The following PTPRA variants were observed in gnomAD, a reference collection of about 807,000 sequenced individuals.
PTPRA encodes receptor-type tyrosine-protein phosphatase alpha.
A neutral mutation model predicts 104.8 loss-of-function variants in PTPRA; 25 were observed. The ratio of observed to expected loss-of-function variants is 0.24; its 90% CI spans 0.17 to 0.33. PTPRA has a LOEUF of 0.33. Among genes scored for constraint, PTPRA ranks in the 10% least tolerant of loss-of-function variants. The pLI is 1.00. For synonymous variants in PTPRA, 323 were observed against 368.9 expected (o/e 0.88, Z 1.43); for missense variants, 765 against 1,015.3 (o/e 0.75, Z 3.35).
upstream of PTPRA, chr20:2,873,335 G>A (rs1395238953): frequency 1.3e-5 from 2 of 152,214 alleles, no homozygotes; most frequent in African/African-American, 4.8e-5. The surrounding 1 kb of genome is among the most constrained non-coding windows in gnomAD (Gnocchi z 4.4). Flanking sequence ...GAGAACGTGC[G>A]ACCGGGTTCG....
intron 20 of PTPRA, among the ~76,000 whole-genome samples, chr20:3,028,634 C>T (rs1435930044): frequency 2.0e-5 from 3 of 152,212 alleles, no homozygotes; most frequent in African/African-American, 7.2e-5. Flanking sequence ...TGAGGTTGCA[C>T]ATTGCAGCAA....
intron 1 of PTPRA, among the ~76,000 whole-genome samples, chr20:2,922,660 TG>T (rs2060139741): frequency 6.8e-6 from 1 of 147,216 alleles, no homozygotes; most frequent in African/African-American, 2.5e-5. Context: ...CTTTTTGAGA[TG>T]GAGTCTGACT....
chr20:2,974,865 A>G (rs1323330778), intron 5 of PTPRA, among the ~76,000 whole-genome samples: 1 of 152,174 alleles, frequency 6.6e-6, no homozygotes, highest in African/African-American at 2.4e-5. Context: ...TTTGGTATGT[A>G]CCAATTAGAT....
intron 9 of PTPRA, among the ~76,000 whole-genome samples, chr20:2,989,748 T>A (rs780056631): frequency 1.3e-5 from 2 of 152,156 alleles, no homozygotes; most frequent in Non-Finnish European, 2.9e-5. Context: ...CTGGGCACGG[T>A]GGCTCACGCC....
chr20:2,943,244 AATTATATTAAATATATGCTT>A (rs1360234133), intron 2 of PTPRA, among the ~76,000 whole-genome samples: 1 of 136,212 alleles, frequency 7.3e-6, no homozygotes, highest in African/African-American at 2.8e-5. Context: ...GTAGTACTGA[AATTATATTAAATATATGCTT>A]ATTATATTAA....
chr20:2,909,944 A>ATATG (rs1427744523), intron 1 of PTPRA, among the ~76,000 whole-genome samples: 19 of 123,958 alleles, frequency 1.5e-4, no homozygotes, highest in Admixed American at 1.0e-3. Flanking sequence ...AATATGTGTA[A>ATATG]TTATATATTA....
chr20:2,889,819 C>T (rs919962831), intron 1 of PTPRA, among the ~76,000 whole-genome samples: 1 of 152,070 alleles, frequency 6.6e-6, no homozygotes, highest in African/African-American at 2.4e-5. Flanking sequence ...CTGTGCCTTT[C>T]CTTATGTTAA....
At chr20:2,909,306 A>G in intron 1 of PTPRA, among the ~76,000 whole-genome samples, 1 of 152,148 alleles carries the variant, frequency 6.6e-6, no homozygotes, top group East Asian at 1.9e-4. Context: ...AAAACAAAAC[A>G]AAACAGGCCT....
intron 1 of PTPRA, among the ~76,000 whole-genome samples, chr20:2,901,495 G>A (rs189920708): frequency 1.1e-4 from 16 of 152,296 alleles, no homozygotes; most frequent in Non-Finnish European, 1.9e-4. Context: ...GGGGTAGTAC[G>A]ACTGCTGGTT....
upstream of PTPRA, among the ~76,000 whole-genome samples, chr20:2,871,186 G>A (rs2089423209): frequency 6.6e-6 from 1 of 152,186 alleles, no homozygotes; most frequent in African/African-American, 2.4e-5. Context: ...TTTGACCATA[G>A]TGCAGCTGTC....
At chr20:2,944,667 T>G (rs527440808) in intron 2 of PTPRA, among the ~76,000 whole-genome samples, 1 of 152,202 alleles carries the variant, frequency 6.6e-6, no homozygotes, top group Non-Finnish European at 1.5e-5. Flanking sequence ...GGAGTGGCAG[T>G]GTCTCACTGT....
At chr20:2,906,850 T>C (rs559074307) in intron 1 of PTPRA, among the ~76,000 whole-genome samples, 2 of 152,222 alleles carry the variant, frequency 1.3e-5, no homozygotes, top group African/African-American at 2.4e-5. Context: ...GTTTTTCTTA[T>C]AACATTTACC....
intron 3 of PTPRA, among the ~76,000 whole-genome samples, chr20:2,955,377 C>A (rs759262997): frequency 1.3e-5 from 2 of 152,216 alleles, no homozygotes; most frequent in Non-Finnish European, 2.9e-5. Context: ...AGGTCCCCAA[C>A]TGAATCTTGT....
chr20:2,986,975 T>C, intron 7 of PTPRA, 126 bp downstream of exon 7: 3 of 836,356 alleles, frequency 3.6e-6, no homozygotes, highest in Non-Finnish European at 5.9e-6. Flanking sequence ...GAATGACCCA[T>C]GATAGTGCTA....
At chr20:2,923,353 A>G (rs1435857456) in intron 2 of PTPRA, 68 bp downstream of exon 2, 1 of 1,094,310 alleles carries the variant, frequency 9.1e-7, no homozygotes, top group Admixed American at 2.9e-5. Flanking sequence ...AAATAAAGCT[A>G]ACATCACATG....
intron 1 of PTPRA, among the ~76,000 whole-genome samples, chr20:2,910,206 A>C (rs2059627307): frequency 1.1e-5 from 1 of 91,466 alleles, no homozygotes; most frequent in Admixed American, 1.3e-4. Context: ...TATATATACT[A>C]TATTGTATAT....
At chr20:3,006,681 G>T (rs2063889376) in intron 10 of PTPRA, among the ~76,000 whole-genome samples, 1 of 152,266 alleles carries the variant, frequency 6.6e-6, no homozygotes, top group South Asian at 2.1e-4. Context: ...AGGCTGGAGT[G>T]CAGTGGCACG....
At chr20:3,005,169 G>A (rs891763175) in intron 10 of PTPRA, 23 bp downstream of exon 10, 1 of 1,545,002 alleles carries the variant, frequency 6.5e-7, no homozygotes, top group Admixed American at 1.7e-5. Context: ...AGTGTTTCTT[G>A]GGATGTAACC....
chr20:2,908,891 T>G (rs77646362), intron 1 of PTPRA, among the ~76,000 whole-genome samples: 5,199 of 152,300 alleles, frequency 0.034, 126 homozygotes, highest in Non-Finnish European at 0.053. Context: ...CAGTTATGCA[T>G]TAATAAAAAA....
Sources: allele counts gnomAD v4.1 joint callset (sites outside exome capture counted in the v4.1 genomes callset), GRCh38; gene constraint gnomAD v4.1.1; non-coding constraint Gnocchi (gnomAD v3.1); transcripts MANE v1.5; gene names NCBI Gene and HGNC (gene_info 2026-07-23, HGNC 2026-07-21).